Variants in CCDC83 observed in about 807,000 individuals in gnomAD.
CCDC83 encodes the protein coiled-coil domain-containing protein 83.
A neutral mutation model predicts 50.1 loss-of-function variants in CCDC83; 54 were observed. The ratio of observed to expected loss-of-function variants is 1.08; its 90% confidence interval spans 0.87 to 1.35. The LOEUF (loss-of-function observed/expected upper bound fraction) is 1.35, where lower values mean the gene tolerates loss of function less well. Among genes scored for constraint, CCDC83 ranks in the 40% most tolerant of loss-of-function variants. CCDC83 has a pLI of 0.00. For missense variants in CCDC83, 518 were observed against 473.9 expected, an observed-to-expected ratio of 1.09 and a Z score of -0.86; for synonymous variants, 161 against 153.3, an observed-to-expected ratio of 1.05 and a Z score of -0.37.
At chr11:85,910,043 T>A (rs1327069855) in intron 7 of CCDC83, among the ~76,000 whole-genome samples, 1 of 152,202 alleles carries the variant, frequency 6.6e-6, no homozygotes, top group African/African-American at 2.4e-5. Flanking sequence ...AAAATGGTCA[T>A]GCCTTTGCAC....
chr11:85,911,284 G>T lies in CCDC83; in HGVS notation c.676G>T (p.Ala226Ser), dbSNP rs2093452581. 6.2e-7 allele frequency: 1 copy of T among 1,606,822 alleles called. No homozygotes were observed. The highest frequency in any genetic ancestry group is 8.5e-7 in the Non-Finnish European group (1 of 1,176,524). ...WENDWLKKEV[A>S]IHRKEVEELK... Reference sequence around the variant, plus strand: ...CATTCTCTTCTTCTGAGAACAGGTTGCAATTCACAGGAAGGAAGTTGAAGA... The same window carrying T: ...CATTCTCTTCTTCTGAGAACAGGTTTCAATTCACAGGAAGGAAGTTGAAGA... The change falls in exon 8 of 11, where the codon GCA becomes TCA. Residue 226 changes from alanine (A) to serine (S), a missense_variant. Coordinates refer to ENST00000342404, the MANE Select transcript of CCDC83 (RefSeq NM_001286159.2).
At chr11:85,867,338 G>A (rs2093213085) in intron 2 of CCDC83, among the ~76,000 whole-genome samples, 1 of 151,858 alleles carries the variant, frequency 6.6e-6, no homozygotes, top group Non-Finnish European at 1.5e-5. Context: ...GGCCAAGAAG[G>A]ATTTTAGATT....
chr11:85,874,246 C>T (rs2093256621), intron 3 of CCDC83, among the ~76,000 whole-genome samples: 1 of 152,198 alleles, frequency 6.6e-6, no homozygotes, highest in African/African-American at 2.4e-5. Context: ...GTAATAGGGA[C>T]TAAAACAGAA....
At chr11:85,870,911 A>G (rs1299751495) in intron 2 of CCDC83, among the ~76,000 whole-genome samples, 1 of 152,200 alleles carries the variant, frequency 6.6e-6, no homozygotes, top group Non-Finnish European at 1.5e-5. Flanking sequence ...TCATGCCTAT[A>G]ATCCTAGCAC....
rs1188483397 is a variant in CCDC83 at position 85,911,345 on chromosome 11, A to T, written c.737A>T (p.Asn246Ile). ...GCTATTCATGAACTGGAAGCAGAAA[A>T]TTTGGTGCTTATTGATCAACTATCC... ...KNAIHELEAE[N>I]LVLIDQLSNC... The change falls in exon 8 of 11, where the codon AAT (asparagine) becomes ATT (isoleucine). Residue 246 changes from asparagine (N) to isoleucine (I), a missense_variant. Asn to Ile is a moderately radical substitution (Grantham distance 149, BLOSUM62 -3). Coordinates refer to ENST00000342404, the MANE Select transcript of CCDC83 (RefSeq NM_001286159.2). The T allele has an allele frequency of 6.2e-7, 1 of 1,611,640 alleles. No individual in the cohort carries two copies. The highest frequency in any genetic ancestry group is 1.1e-5 in the South Asian group (1 of 90,388).
At chr11:85,892,944 A>G (rs2093356803) in intron 5 of CCDC83, among the ~76,000 whole-genome samples, 1 of 152,180 alleles carries the variant, frequency 6.6e-6, no homozygotes, top group Non-Finnish European at 1.5e-5. Flanking sequence ...CAAAAACCTA[A>G]TGAATTCTTG....
intron 2 of CCDC83, among the ~76,000 whole-genome samples, chr11:85,872,674 T>C (rs1164626760): frequency 6.6e-6 from 1 of 152,222 alleles, no homozygotes; most frequent in East Asian, 1.9e-4. Context: ...CTCTCTTTCA[T>C]ACCTTACAGA....
At position 85,886,335 on chromosome 11, in the gene CCDC83, A is replaced by G. The variant is rs1222433772; in HGVS notation, c.479A>G (p.Asn160Ser). ...ATTACCTCCTTACAAAATGACATCA[A>G]CACAGTTAAAGAGAATGCAGAGAAA... Reference protein sequence around the residue: ...KLITSLQNDINTVKENAEKMS... With the variant: ...KLITSLQNDISTVKENAEKMS... The change falls in exon 5 of 11, where the codon AAC (asparagine) becomes AGC (serine). Residue 160 changes from asparagine (N) to serine (S), a missense_variant. Coordinates refer to ENST00000342404, the MANE Select transcript of CCDC83 (RefSeq NM_001286159.2). The G allele has an allele frequency of 6.2e-7, 1 of 1,606,374 alleles. No individual in the cohort carries two copies. The highest frequency in any genetic ancestry group is 1.3e-5 in the African/African-American group (1 of 74,652).
At chr11:85,860,052 G>T (rs1344701553) in intron 1 of CCDC83, among the ~76,000 whole-genome samples, 1 of 152,186 alleles carries the variant, frequency 6.6e-6, no homozygotes, top group African/African-American at 2.4e-5. Flanking sequence ...ACTTTGGGAG[G>T]CTGAGGCAGT....
chr11:85,871,929 A>T (rs2153683320), intron 2 of CCDC83, among the ~76,000 whole-genome samples: 1 of 152,294 alleles, frequency 6.6e-6, no homozygotes, highest in South Asian at 2.1e-4. Context: ...GTGATACAAG[A>T]TATACTATAA....
chr11:85,870,358 G>A (rs2093230061), intron 2 of CCDC83, among the ~76,000 whole-genome samples: 1 of 152,158 alleles, frequency 6.6e-6, no homozygotes, highest in Non-Finnish European at 1.5e-5. Flanking sequence ...AGATTCATTT[G>A]CCTGCTCTAC....
intron 1 of CCDC83, among the ~76,000 whole-genome samples, chr11:85,861,551 T>A (rs2093176207): frequency 6.6e-6 from 1 of 152,256 alleles, no homozygotes; most frequent in South Asian, 2.1e-4. Context: ...TCTTTCATTT[T>A]AATCTACATT....
chr11:85,900,846 CT>C (rs1368219055), intron 7 of CCDC83, among the ~76,000 whole-genome samples: 1 of 152,104 alleles, frequency 6.6e-6, no homozygotes, highest in Non-Finnish European at 1.5e-5. Flanking sequence ...GGGCAGATCG[CT>C]TGAGGCCAGG....
At chr11:85,897,404 A>G (rs1428046050) in intron 6 of CCDC83, among the ~76,000 whole-genome samples, 2 of 152,228 alleles carry the variant, frequency 1.3e-5, no homozygotes, top group East Asian at 3.8e-4. Flanking sequence ...GAACACTCAC[A>G]TGCTTGAATG....
chr11:85,881,089 C>G (rs761536386), intron 3 of CCDC83, among the ~76,000 whole-genome samples: 1 of 152,138 alleles, frequency 6.6e-6, no homozygotes, highest in Non-Finnish European at 1.5e-5. Context: ...AGATTTTAGG[C>G]TGGGCACAGT....
At chr11:85,881,971 T>G (rs1328310582) in intron 3 of CCDC83, among the ~76,000 whole-genome samples, 1 of 152,114 alleles carries the variant, frequency 6.6e-6, no homozygotes, top group Non-Finnish European at 1.5e-5. Context: ...TTTGAGTACT[T>G]TTTCAGTCCT....
intron 7 of CCDC83, among the ~76,000 whole-genome samples, chr11:85,907,787 G>C (rs115035063): frequency 0.013 from 1,956 of 152,284 alleles, 32 homozygotes; most frequent in Middle Eastern, 0.044. Context: ...TGTCATAGGA[G>C]AGCCTTAGCC....
intron 7 of CCDC83, among the ~76,000 whole-genome samples, chr11:85,900,047 G>A (rs538889847): frequency 2.6e-5 from 4 of 152,172 alleles, no homozygotes; most frequent in Middle Eastern, 3.2e-3. Context: ...TGGATGAAAC[G>A]AGAAGGTATT....
intron 1 of CCDC83, 44 bp from the exon 2 acceptor site, chr11:85,865,052 C>G: frequency 1.0e-6 from 1 of 967,936 alleles, no homozygotes; most frequent in South Asian, 1.4e-5. Flanking sequence ...AGTAGGGAGG[C>G]AAAGATGGAA....
Sources: allele counts gnomAD v4.1 joint callset (sites outside exome capture counted in the v4.1 genomes callset), GRCh38; gene constraint gnomAD v4.1.1; transcripts MANE v1.5; gene names NCBI Gene and HGNC (gene_info 2026-07-23, HGNC 2026-07-21).